The following SMAD3 variants were observed in gnomAD, a reference collection of about 807,000 sequenced individuals.
SMAD3 encodes the protein SMAD family member 3.
In SMAD3, 12 loss-of-function variants were observed where a neutral mutation model predicts 51.8. That is an observed-to-expected ratio of 0.23 (90% CI 0.15 to 0.38). The LOEUF is 0.38. SMAD3 is among the 10% of genes least tolerant of loss of function. SMAD3 has a pLI of 1.00. For synonymous variants in SMAD3, 238 were observed against 227.7 expected (o/e 1.05, Z -0.41); for missense variants, 294 against 565.6 (o/e 0.52, Z 4.87).
chr15:67,066,405 C>T (rs745336629), intron 1 of SMAD3, 45 bp downstream of exon 1: 2 of 1,539,924 alleles, frequency 1.3e-6, no homozygotes, highest in Admixed American at 1.7e-5. Flanking sequence ...CCGGCCCAGC[C>T]CCCTGGCACT....
chr15:67,178,848 C>T (rs908973800), intron 5 of SMAD3, among the ~76,000 whole-genome samples: 1 of 151,970 alleles, frequency 6.6e-6, no homozygotes, highest in Non-Finnish European at 1.5e-5. Flanking sequence ...CTGCTCCTGG[C>T]CCTGTCATTC....
At chr15:67,160,395 A>T (rs76270685) in intron 1 of SMAD3, among the ~76,000 whole-genome samples, 7,325 of 152,272 alleles carry the variant, frequency 0.048, 242 homozygotes, top group Non-Finnish European at 0.072. Flanking sequence ...AATGATCAAC[A>T]TTGTCAAGCA....
intron 1 of SMAD3, among the ~76,000 whole-genome samples, chr15:67,079,198 G>A (rs1240677597): frequency 3.9e-5 from 6 of 152,058 alleles, no homozygotes; most frequent in East Asian, 1.9e-4. Context: ...GGCTGGTCTC[G>A]AACTCCCGAC....
At chr15:67,138,247 A>G in intron 1 of SMAD3, 2 of 639,222 alleles carry the variant, frequency 3.1e-6, no homozygotes, top group South Asian at 1.9e-5. Flanking sequence ...GATGTCAGGA[A>G]GCAACTGTAG....
intron 1 of SMAD3, among the ~76,000 whole-genome samples, chr15:67,121,199 G>A (rs1034453925): frequency 2.6e-5 from 4 of 152,232 alleles, no homozygotes; most frequent in South Asian, 2.1e-4. Flanking sequence ...GGCCAGCCCC[G>A]CTGAGTCACC....
chr15:67,115,241 G>A (rs138790710), intron 1 of SMAD3, among the ~76,000 whole-genome samples: 143 of 132,108 alleles, frequency 1.1e-3, no homozygotes, highest in Middle Eastern at 4.5e-3. Flanking sequence ...ATGATGAGAC[G>A]TAGGAAAGTC....
chr15:67,119,147 G>A (rs559881285), intron 1 of SMAD3, among the ~76,000 whole-genome samples: 4 of 152,320 alleles, frequency 2.6e-5, no homozygotes, highest in South Asian at 2.1e-4. Context: ...TTTAGGGAAT[G>A]CAGGGAGAGA....
Position 67,065,637 on chromosome 15 carries a change from C to T in SMAD3, c.-518C>T, listed in dbSNP as rs1386826326. On this transcript the variant is annotated 5_prime_UTR_variant, in exon 1 of 9. Transcript: ENST00000327367. Reference sequence around the variant, plus strand: ...CTGGGAGCGGGCGGGAGCGGGAGCGCGGCGCACGCCCCGGGCCGGCCCAGC... The same window carrying T: ...CTGGGAGCGGGCGGGAGCGGGAGCGTGGCGCACGCCCCGGGCCGGCCCAGC... Among the ~76,000 whole-genome samples, 2 of 148,104 alleles carry T rather than the reference C, an allele frequency of 1.4e-5. No individual in the cohort carries two copies. The highest frequency in any genetic ancestry group is 3.0e-5 in the Non-Finnish European group (2 of 66,880).
chr15:67,181,827 C>G (rs1963069909), intron 6 of SMAD3, among the ~76,000 whole-genome samples: 1 of 149,852 alleles, frequency 6.7e-6, no homozygotes, highest in Non-Finnish European at 1.5e-5. Flanking sequence ...CTTGCTTTAT[C>G]CAGGCTGGAG....
intron 1 of SMAD3, chr15:67,098,450 G>C (rs1960668246): frequency 4.8e-6 from 1 of 208,746 alleles, no homozygotes; most frequent in African/African-American, 2.3e-5. Context: ...AAAGGGTGCA[G>C]CCCAGCTTGT....
In SMAD3 at chr15:67,074,816, T is replaced by C. The variant is rs1016473431; in HGVS notation, c.206+8456T>C. 2.6e-5 allele frequency among the ~76,000 whole-genome samples: 4 copies of C among 152,214 alleles called. No homozygotes were observed. The East Asian group carries it at 7.7e-4, about 29-fold the overall frequency. Reference sequence around the variant, plus strand: ...GCAGTTCTCCTGCCTCAGCCTCCCATGTAGCTGGGACTACAGGCGCCCGCC... The same window carrying C: ...GCAGTTCTCCTGCCTCAGCCTCCCACGTAGCTGGGACTACAGGCGCCCGCC... On this transcript the variant is annotated intron_variant, in intron 1 of 8. Transcript: ENST00000327367.
chr15:67,194,256 T>C lies in SMAD3; in HGVS notation c.*3720T>C. 1 of 233,430 alleles carries C rather than the reference T, an allele frequency of 4.3e-6. No homozygotes were observed. The highest frequency in any genetic ancestry group is 8.5e-6 in the Non-Finnish European group (1 of 118,030). 14.5% of individuals were successfully genotyped at this position (233,430 alleles called of 1,614,324 possible). On this transcript the variant is annotated 3_prime_UTR_variant, in exon 9 of 9. Transcript: ENST00000327367. ...TGTAGGCCCCTTTCAGGTAACCGTC[T>C]TCACAATGTATTTTCATCACAGTTT... is the stretch of plus-strand genomic sequence containing the variant.
In SMAD3 at chr15:67,065,776, G is replaced by C. The variant is rs941168936; in HGVS notation, c.-379G>C. On this transcript the variant is annotated 5_prime_UTR_variant, in exon 1 of 9. Coordinates refer to ENST00000327367, the MANE Select transcript of SMAD3 (RefSeq NM_005902.4). ...CGAGGCGAGCGAAGTTTGGCCGGGG[G>C]TTGGACTTTCCTTCCCGGAGGCGGC... 5.0e-6 allele frequency: 1 copy of C among 201,912 alleles called. No individual in the cohort carries two copies. Among genetic ancestry groups the C allele is most frequent in the Non-Finnish European group, 1.0e-5 (1 of 97,864 alleles). The allele number at this position is 201,912 out of a possible 1,614,324, so 12.5% of individuals were successfully genotyped here.
chr15:67,078,499 A>G (rs1472488379), intron 1 of SMAD3, among the ~76,000 whole-genome samples: 1 of 152,236 alleles, frequency 6.6e-6, no homozygotes, highest in Non-Finnish European at 1.5e-5. Context: ...TTGAAAACAG[A>G]TTATATTCCT....
At chr15:67,092,903 A>G (rs544662112) in intron 1 of SMAD3, among the ~76,000 whole-genome samples, 3 of 152,174 alleles carry the variant, frequency 2.0e-5, no homozygotes, top group African/African-American at 4.8e-5. Context: ...AGGTGTGGCA[A>G]TAACAGCCAG....
rs556975942 is a variant in SMAD3 at position 67,187,366 on chromosome 15, A to G, written c.1011A>G (p.Gly337=). ...HPATVCKIPP[G]CNLKIFNNQE... ...GCCCTGTTTCTGTGTTTTTGGCAGG[A>G]TGCAACCTGAAGATCTTCAACAACC... The change falls in exon 8 of 9, where the codon GGA becomes GGG. Residue 337 remains glycine, a splice_region_variant and synonymous_variant. Transcript: ENST00000327367. 1 of 1,614,146 alleles carries G rather than the reference A, an allele frequency of 6.2e-7. No homozygotes were observed. The highest frequency in any genetic ancestry group is 1.3e-5 in the African/African-American group (1 of 75,020).
At chr15:67,098,270 T>C (rs367994681) in intron 1 of SMAD3, among the ~76,000 whole-genome samples, 1 of 137,420 alleles carries the variant, frequency 7.3e-6, no homozygotes, top group African/African-American at 2.7e-5. Context: ...TTGGGCTTTG[T>C]GCCTAAACTG....
At chr15:67,175,614 A>C (rs1452295563) in intron 5 of SMAD3, among the ~76,000 whole-genome samples, 2 of 152,294 alleles carry the variant, frequency 1.3e-5, no homozygotes, top group South Asian at 2.1e-4. Context: ...GCACTGGCCT[A>C]GTTGCACCTC....
chr15:67,102,082 G>A lies in SMAD3; in HGVS notation c.206+35722G>A, dbSNP rs138052888. On this transcript the variant is annotated intron_variant, in intron 1 of 8. Coordinates refer to ENST00000327367, the MANE Select transcript of SMAD3 (RefSeq NM_005902.4). ...GCACCTGATCTGTTTAAGGCTGTGT[G>A]AGTAGAACCAGGTCCTGCCTTCCGG... Among the ~76,000 whole-genome samples, 6 of 152,342 alleles carry A rather than the reference G, an allele frequency of 3.9e-5. No homozygotes were observed. In the East Asian group the frequency reaches 9.6e-4, roughly 24 times the overall value.
Sources: gnomAD v4.1 joint callset for allele counts (sites outside exome capture counted in the v4.1 genomes callset) on GRCh38, gnomAD v4.1.1 for gene constraint, MANE v1.5 for transcripts, NCBI Gene and HGNC (gene_info 2026-07-23, HGNC 2026-07-21) for gene names.